Variants in RABGAP1L observed in about 807,000 individuals in gnomAD.
RABGAP1L encodes rab GTPase-activating protein 1-like.
Under a neutral mutation model 137.7 loss-of-function variants are expected in RABGAP1L, and 63 were observed. The ratio of observed to expected loss-of-function variants is 0.46; its 90% CI spans 0.37 to 0.56. The LOEUF is 0.56. Ranked by LOEUF, RABGAP1L falls within the 20% of genes least tolerant of loss-of-function variation. The probability of loss-of-function intolerance (pLI) is 0.00; values close to 1 mark genes in which losing one functional copy is unlikely to be tolerated. For synonymous variants in RABGAP1L, 431 were observed against 433.7 expected, an observed-to-expected ratio of 0.99 and a Z score of 0.08; for missense variants, 1,095 against 1,244.0, an observed-to-expected ratio of 0.88 and a Z score of 1.80.
chr1:174,449,153 C>G, intron 13 of RABGAP1L: 1 of 1,610,534 alleles, frequency 6.2e-7, no homozygotes, highest in Admixed American at 1.7e-5. Flanking sequence ...TCAGGAAGCA[C>G]AAGAACCCAA....
At chr1:174,551,001 T>TATATATATATATATATATATATACACAC (rs1666484257) in intron 13 of RABGAP1L, among the ~76,000 whole-genome samples, 5 of 95,884 alleles carry the variant, frequency 5.2e-5, no homozygotes, top group Non-Finnish European at 7.9e-5. Flanking sequence ...TATATACACA[T>TATATATATATATATATATATATACACAC]ATATATATAT....
chr1:174,225,797 T>C (rs1490901130), intron 3 of RABGAP1L, among the ~76,000 whole-genome samples: 1 of 152,190 alleles, frequency 6.6e-6, no homozygotes, highest in Non-Finnish European at 1.5e-5. Flanking sequence ...TTGTGCTGTT[T>C]TGCAGAATCA....
chr1:174,842,563 A>G (rs531475810), intron 19 of RABGAP1L, among the ~76,000 whole-genome samples: 91 of 152,320 alleles, frequency 6.0e-4, no homozygotes, highest in African/African-American at 2.2e-3. Context: ...TAAGTAAGGT[A>G]GCAGTATGCT....
chr1:174,729,126 G>A (rs1407077085), intron 17 of RABGAP1L, among the ~76,000 whole-genome samples: 2 of 152,130 alleles, frequency 1.3e-5, no homozygotes, highest in Non-Finnish European at 2.9e-5. Context: ...TACAAAAATA[G>A]ACACATAGAC....
rs536632699 is a variant in RABGAP1L, at chr1:174,471,424, A to T, written c.1710+77279A>T. 3.0e-4 allele frequency among the ~76,000 whole-genome samples: 46 copies of T among 152,340 alleles called. 1 individual carries two copies. In the South Asian group the frequency reaches 9.5e-3, roughly 32 times the overall value. ...ATACCTGTTAGTAATTTATTTAGGA[A>T]GGTAATAGTCTCTTCATATATTAGA... is the stretch of plus-strand genomic sequence containing the variant. On this transcript the variant is annotated intron_variant, in intron 13 of 25. Coordinates refer to ENST00000681986, the MANE Select transcript of RABGAP1L (RefSeq NM_001366446.1).
chr1:174,619,378 G>A (rs1367385368), intron 13 of RABGAP1L, among the ~76,000 whole-genome samples: 1 of 152,204 alleles, frequency 6.6e-6, no homozygotes, highest in Non-Finnish European at 1.5e-5. Context: ...AATGTTAAGG[G>A]CAGCCAGAGA....
At chr1:174,713,000 G>T (rs1157747741) in intron 17 of RABGAP1L, among the ~76,000 whole-genome samples, 2 of 152,180 alleles carry the variant, frequency 1.3e-5, no homozygotes, top group Non-Finnish European at 2.9e-5. Flanking sequence ...AATATTTGGG[G>T]ACGAAAACAG....
intron 12 of RABGAP1L, among the ~76,000 whole-genome samples, chr1:174,383,349 C>T (rs1054468469): frequency 8.6e-5 from 13 of 151,712 alleles, no homozygotes; most frequent in African/African-American, 2.7e-4. Flanking sequence ...CTTTGTTTAC[C>T]TAAGCAAGCC....
intron 13 of RABGAP1L, among the ~76,000 whole-genome samples, chr1:174,527,888 A>T (rs1037776736): frequency 2.9e-5 from 4 of 138,916 alleles, no homozygotes; most frequent in South Asian, 4.4e-4. Flanking sequence ...TTACTTTATC[A>T]TTATATACTT....
At chr1:174,849,549 A>G (rs1210100324) in intron 19 of RABGAP1L, 1 of 333,568 alleles carries the variant, frequency 3.0e-6, no homozygotes. Flanking sequence ...AGGTCAATAA[A>G]TATTAAGAGT....
rs532859934 is a variant in RABGAP1L, at chr1:174,409,610, T to TG, written c.1710+15467dup. On this transcript the variant is annotated intron_variant, in intron 13 of 25. Transcript: ENST00000681986. ...TTTCTTCTTGCAGAGAGCCTATAAA[T>TG]GGATGTGCAAGTAGGGAAGATATCG... is the stretch of plus-strand genomic sequence containing the variant. 5.3e-5 allele frequency among the ~76,000 whole-genome samples: 8 copies of TG among 152,234 alleles called. No individual in the cohort carries two copies. In the South Asian group the frequency reaches 1.7e-3, roughly 32 times the overall value.
chr1:174,256,936 C>G (rs1330570275), intron 7 of RABGAP1L, among the ~76,000 whole-genome samples: 3 of 152,154 alleles, frequency 2.0e-5, no homozygotes, highest in Admixed American at 2.0e-4. Flanking sequence ...CTTGCCTTCT[C>G]TCTACATTTT....
chr1:174,546,982 A>G (rs555154153), intron 13 of RABGAP1L, among the ~76,000 whole-genome samples: 49 of 134,896 alleles, frequency 3.6e-4, no homozygotes, highest in Admixed American at 2.2e-3. Flanking sequence ...GTGAGCAGAG[A>G]TCGCGCCACT....
chr1:174,979,742 C>T (rs1028261670), intron 23 of RABGAP1L, among the ~76,000 whole-genome samples: 2 of 152,130 alleles, frequency 1.3e-5, no homozygotes, highest in African/African-American at 4.8e-5. Flanking sequence ...TGTTTCTGGC[C>T]CCATCACCAT....
chr1:174,189,596 G>T (rs1667062316), intron 1 of RABGAP1L, among the ~76,000 whole-genome samples: 1 of 152,178 alleles, frequency 6.6e-6, no homozygotes, highest in South Asian at 2.1e-4. Context: ...GGTCATGAGG[G>T]CTCTGCCCTC....
At chr1:174,651,257 A>C (rs1043591896) in intron 14 of RABGAP1L, among the ~76,000 whole-genome samples, 5 of 152,018 alleles carry the variant, frequency 3.3e-5, no homozygotes, top group Admixed American at 1.3e-4. Context: ...ACTTCCAACT[A>C]TGTGGTCAAT....
intron 17 of RABGAP1L, among the ~76,000 whole-genome samples, chr1:174,703,717 T>C (rs1312618606): frequency 6.6e-6 from 1 of 152,194 alleles, no homozygotes; most frequent in Non-Finnish European, 1.5e-5. Flanking sequence ...CAGTGTGGAC[T>C]CTTTTCTCTA....
At chr1:174,574,435 A>G (rs540120633) in intron 13 of RABGAP1L, among the ~76,000 whole-genome samples, 1 of 152,288 alleles carries the variant, frequency 6.6e-6, no homozygotes, top group Non-Finnish European at 1.5e-5. Flanking sequence ...ATGAAAGTCA[A>G]CATAGTATTC....
chr1:174,532,698 A>G (rs6681970), intron 13 of RABGAP1L, among the ~76,000 whole-genome samples: 58,937 of 152,030 alleles, frequency 0.39, 14,354 homozygotes, highest in African/African-American at 0.69. Flanking sequence ...TCATGAATGG[A>G]TTATGTAACT....
Sources: allele counts gnomAD v4.1 joint callset (sites outside exome capture counted in the v4.1 genomes callset), GRCh38; gene constraint gnomAD v4.1.1; transcripts MANE v1.5; gene names NCBI Gene and HGNC (gene_info 2026-07-23, HGNC 2026-07-21).